SLC25A33: variants seen among roughly 807,000 people sequenced by gnomAD.
The protein encoded by SLC25A33 is solute carrier family 25 member 33, also known as bone marrow stromal cell mitochondrial carrier protein.
Under a neutral mutation model 35.5 loss-of-function variants are expected in SLC25A33, and 15 were observed. The observed-to-expected ratio is 0.42, with a 90% CI of 0.28 to 0.65. The LOEUF (loss-of-function observed/expected upper bound fraction) is 0.65, where lower values mean the gene tolerates loss of function less well. SLC25A33 is among the 30% of genes least tolerant of loss of function. The probability of loss-of-function intolerance (pLI) is 0.20; values close to 1 mark genes in which losing one functional copy is unlikely to be tolerated. For synonymous variants in SLC25A33, 136 were observed against 148.7 expected (o/e 0.91, Z 0.62); for missense variants, 257 against 398.5 (o/e 0.64, Z 3.02).
Position 9,584,708 on chromosome 1 carries a change from C to A in SLC25A33, c.*2207C>A, listed in dbSNP as rs1643784932. On this transcript the variant is annotated 3_prime_UTR_variant, in exon 7 of 7. Coordinates refer to ENST00000302692, the MANE Select transcript of SLC25A33 (RefSeq NM_032315.3). The stretch of plus-strand genomic sequence containing the variant: ...GCCACCATACCTGGCCCGCGCCGCC[C>A]CTTCCTTTGTTGTTATTGTTGTTTT... 1 of 152,120 alleles carries A rather than the reference C, an allele frequency of 6.6e-6. No individual in the cohort carries two copies. Among genetic ancestry groups the A allele is most frequent in the Non-Finnish European group, 1.5e-5 (1 of 68,076 alleles). The allele number at this position is 152,120 out of a possible 1,614,324, so 9.4% of individuals were successfully genotyped here. A position where few individuals can be genotyped will look rare whatever the true frequency, so the allele number is the denominator to read the frequency against.
At chr1:9,550,446 G>T (rs553329735) in intron 1 of SLC25A33, among the ~76,000 whole-genome samples, 1 of 152,032 alleles carries the variant, frequency 6.6e-6, no homozygotes, top group Non-Finnish European at 1.5e-5. Flanking sequence ...GCTTTCTGAT[G>T]AAAGGATTTA....
intron 4 of SLC25A33, among the ~76,000 whole-genome samples, chr1:9,572,867 G>A (rs1217974975): frequency 7.2e-6 from 1 of 139,748 alleles, no homozygotes; most frequent in African/African-American, 2.7e-5. Context: ...CAGGAATTGA[G>A]ACTAGCCTGA....
chr1:9,567,431 G>A (rs921879687), intron 3 of SLC25A33, 70 bp downstream of exon 3: 69 of 1,383,472 alleles, frequency 5.0e-5, no homozygotes, highest in Non-Finnish European at 6.4e-5. Context: ...TTACCAAAGG[G>A]TGATGCTGCT....
intron 2 of SLC25A33, among the ~76,000 whole-genome samples, chr1:9,555,713 C>T (rs530066830): frequency 7.0e-4 from 107 of 152,226 alleles, no homozygotes; most frequent in African/African-American, 2.5e-3. Context: ...GAGACAGATT[C>T]TCACTCTGTC....
intron 2 of SLC25A33, among the ~76,000 whole-genome samples, chr1:9,554,952 G>A (rs1391015956): frequency 1.3e-5 from 2 of 152,044 alleles, no homozygotes; most frequent in East Asian, 3.8e-4. Context: ...ATTTAACTGA[G>A]CATGATATTC....
At chr1:9,554,114 T>C (rs1364205550) in intron 2 of SLC25A33, among the ~76,000 whole-genome samples, 6 of 152,166 alleles carry the variant, frequency 3.9e-5, no homozygotes, top group South Asian at 2.1e-4. Context: ...GAAATGAAGA[T>C]AAGAGGTGAT....
At chr1:9,553,578 T>C in intron 1 of SLC25A33, 48 bp from the exon 2 acceptor site, 4 of 1,595,620 alleles carry the variant, frequency 2.5e-6, no homozygotes, top group Non-Finnish European at 3.4e-6. Context: ...CATTCCATTG[T>C]GTAGGGAATA....
intron 3 of SLC25A33, among the ~76,000 whole-genome samples, chr1:9,569,413 T>TA (rs1321792692): frequency 6.6e-6 from 1 of 152,212 alleles, no homozygotes; most frequent in Non-Finnish European, 1.5e-5. Flanking sequence ...ATGGGAAACC[T>TA]ACTGCCCATC....
rs1179625173 is a variant in SLC25A33, at chr1:9,576,903, C to T, written c.483-3051C>T. ...AATTCAGTTGCCTTGATTCAGCAAG[C>T]CACAACAGTTAAGGATATCAGGAAG... On this transcript the variant is annotated intron_variant, in intron 5 of 6. Transcript: ENST00000302692. 2.3e-6 allele frequency: 3 copies of T among 1,300,018 alleles called. No individual in the cohort carries two copies. In the Admixed American group the frequency reaches 5.2e-5, roughly 23 times the overall value. The allele number at this position is 1,300,018 out of a possible 1,614,324, so 80.5% of individuals were successfully genotyped here.
At chr1:9,541,698 T>C (rs1200653119) in intron 1 of SLC25A33, among the ~76,000 whole-genome samples, 1 of 151,056 alleles carries the variant, frequency 6.6e-6, no homozygotes, top group Non-Finnish European at 1.5e-5. Context: ...TTTTTTTTTT[T>C]GTCTCACACG....
intron 1 of SLC25A33, among the ~76,000 whole-genome samples, chr1:9,553,214 T>TG (rs1557526484): frequency 2.1e-4 from 28 of 136,578 alleles, no homozygotes; most frequent in Admixed American, 1.1e-3. Context: ...TTTTTTTTTT[T>TG]TTTTTTTTTT....
chr1:9,578,483 C>G lies in SLC25A33; in HGVS notation c.483-1471C>G, dbSNP rs1643694663. ...AATGCTTTTTGTCCTGGGGTAGGAG[C>G]CTCTAAACCTCATGGTTTTCATTTG... On this transcript the variant is annotated intron_variant, in intron 5 of 6. Transcript: ENST00000302692. This position sits in a 1 kb window ranked among gnomAD's most constrained non-coding sequence, Gnocchi z 4.3. Among the ~76,000 whole-genome samples the G allele has an allele frequency of 6.6e-6, 1 of 152,070 alleles. No homozygotes were observed. Among genetic ancestry groups the G allele is most frequent in the South Asian group, 2.1e-4 (1 of 4,818 alleles).
chr1:9,546,474 G>A (rs1322811296), intron 1 of SLC25A33, among the ~76,000 whole-genome samples: 4 of 152,138 alleles, frequency 2.6e-5, no homozygotes, highest in Middle Eastern at 3.4e-3. Flanking sequence ...GTGAGCCACC[G>A]CACCCGGCCC....
At chr1:9,569,487 G>A (rs1283228652) in intron 3 of SLC25A33, among the ~76,000 whole-genome samples, 1 of 152,070 alleles carries the variant, frequency 6.6e-6, no homozygotes, top group Non-Finnish European at 1.5e-5. Context: ...GTGTAACCCT[G>A]GTAACCTGAT....
At chr1:9,580,303 A>G in intron 6 of SLC25A33, 69 bp downstream of exon 6, 1 of 1,562,510 alleles carries the variant, frequency 6.4e-7, no homozygotes, top group Admixed American at 1.9e-5. Context: ...GGGTATATCT[A>G]GACTTCTGAG....
chr1:9,547,177 GGCGCAGTGGCTCAT>G (rs1643186058), intron 1 of SLC25A33, among the ~76,000 whole-genome samples: 4 of 152,286 alleles, frequency 2.6e-5, no homozygotes, highest in African/African-American at 9.6e-5. Context: ...ATCTTCGCCA[GGCGCAGTGGCTCAT>G]GCCTGTAATC....
rs1643754820 is a variant in SLC25A33 at position 9,582,205 on chromosome 1, C to T, written c.764-94C>T. The T allele has an allele frequency of 4.3e-6, 6 of 1,394,418 alleles. No homozygotes were observed. The highest frequency in any genetic ancestry group is 2.3e-5 in the East Asian group (1 of 43,272). The allele number at this position is 1,394,418 out of a possible 1,614,324, so 86.4% of individuals were successfully genotyped here. On this transcript the variant is annotated intron_variant, in intron 6 of 6. Transcript: ENST00000302692. This position sits in a 1 kb window ranked among gnomAD's most constrained non-coding sequence, Gnocchi z 4.0. ...CTGGGATTACAGGTGTGAGCCACCG[C>T]ACCCGGCCTAACCTTGACAGTTTTA...
At chr1:9,560,494 G>C (rs1368754957) in intron 2 of SLC25A33, among the ~76,000 whole-genome samples, 3 of 152,024 alleles carry the variant, frequency 2.0e-5, no homozygotes. Flanking sequence ...AACCCCGGAG[G>C]CGGAGGTTGC....
rs1346590650 is a variant in SLC25A33 at position 9,580,109 on chromosome 1, A to G, written c.638A>G (p.Tyr213Cys). 3 of 1,612,378 alleles carry G rather than the reference A, an allele frequency of 1.9e-6. No homozygotes were observed. The African/African-American group carries it at 4.0e-5, about 22-fold the overall frequency. ...CFAIYESLKK[Y>C]LKEAPLASSA... ...GCTATTTATGAAAGTTTAAAGAAGT[A>G]TCTGAAAGAAGCTCCATTAGCCTCT... Residue 213 changes from tyrosine (Y) to cysteine (C), a missense_variant, in exon 6 of 7, where the codon TAT (tyrosine) becomes TGT (cysteine). Tyr to Cys is a radical substitution (Grantham distance 194). Coordinates refer to ENST00000302692, the MANE Select transcript of SLC25A33 (RefSeq NM_032315.3).
Sources: allele counts gnomAD v4.1 joint callset (sites outside exome capture counted in the v4.1 genomes callset), GRCh38; gene constraint gnomAD v4.1.1; non-coding constraint Gnocchi (gnomAD v3.1); transcripts MANE v1.5; gene names NCBI Gene and HGNC (gene_info 2026-07-23, HGNC 2026-07-21).